The following LCORL variants were observed in gnomAD, a reference collection of about 807,000 sequenced individuals.
LCORL encodes the protein ligand-dependent nuclear receptor corepressor-like protein.
In LCORL, 41 loss-of-function variants were observed where a neutral mutation model predicts 141.8. That is an observed-to-expected ratio of 0.29 (90% CI 0.23 to 0.38). The LOEUF (loss-of-function observed/expected upper bound fraction) is 0.38. Ranked by LOEUF, LCORL falls within the 10% of genes least tolerant of loss-of-function variation. LCORL has a pLI of 1.00. For synonymous variants in LCORL, 618 were observed against 694.1 expected, an observed-to-expected ratio of 0.89 and a Z score of 1.72; for missense variants, 1,759 against 2,035.0, an observed-to-expected ratio of 0.86 and a Z score of 2.61.
intron 5 of LCORL, among the ~76,000 whole-genome samples, chr4:17,898,186 TTAAAG>T (rs779843141): frequency 1.3e-5 from 2 of 152,202 alleles, no homozygotes; most frequent in East Asian, 3.9e-4. Context: ...TAAGGGTTCC[TTAAAG>T]TATTTTTTTG....
rs557323930 is a variant in LCORL, at chr4:17,885,786, T to C, written c.776+282A>G. The stretch of plus-strand genomic sequence containing the variant: ...GCGTCCTGAGTATTTAATTTAATAT[T>C]CTCTTACTCGTCCTGCTTCTTAGTT... On this transcript the variant is annotated intron_variant, in intron 6 of 7. Transcript: ENST00000635767. Among the ~76,000 whole-genome samples, 3 of 152,070 alleles carry C rather than the reference T, an allele frequency of 2.0e-5. No individual in the cohort carries two copies. In the South Asian group the frequency reaches 6.2e-4, roughly 31 times the overall value.
chr4:17,870,152 C>G (rs576022126), intron 7 of LCORL, among the ~76,000 whole-genome samples: 4 of 152,136 alleles, frequency 2.6e-5, no homozygotes, highest in African/African-American at 9.6e-5. Flanking sequence ...TATGCTTGCT[C>G]TTTTTTAAAA....
chr4:17,999,576 C>T (rs1307878054), intron 1 of LCORL, among the ~76,000 whole-genome samples: 3 of 152,092 alleles, frequency 2.0e-5, no homozygotes, highest in Admixed American at 6.5e-5. Context: ...AATGTCTTTA[C>T]GTAGAACATG....
intron 2 of LCORL, among the ~76,000 whole-genome samples, chr4:17,963,777 G>C (rs1714329097): frequency 6.6e-6 from 1 of 151,830 alleles, no homozygotes; most frequent in Non-Finnish European, 1.5e-5. Flanking sequence ...ATCTGGCATA[G>C]ACATGATTTT....
At chr4:17,977,629 C>A (rs1227880842) in intron 1 of LCORL, among the ~76,000 whole-genome samples, 3 of 152,092 alleles carry the variant, frequency 2.0e-5, no homozygotes, top group Admixed American at 6.5e-5. Flanking sequence ...ATTATAACAG[C>A]CTTTCCTATT....
exon 8 of LCORL, chr4:17,844,090 T>C (rs1722692636): frequency 6.6e-6 from 1 of 151,974 alleles, no homozygotes; most frequent in South Asian, 2.1e-4. Context: ...AATGTATTAT[T>C]AACCATGAAG....
chr4:17,920,639 T>A (rs922782437), intron 4 of LCORL, among the ~76,000 whole-genome samples: 11 of 152,254 alleles, frequency 7.2e-5, no homozygotes, highest in African/African-American at 2.7e-4. Context: ...TCTTTCAAAA[T>A]TGGAGTTAAT....
intron 1 of LCORL, among the ~76,000 whole-genome samples, chr4:18,001,843 A>G (rs1316627433): frequency 6.6e-6 from 1 of 152,236 alleles, no homozygotes; most frequent in Non-Finnish European, 1.5e-5. Context: ...CATTAAAATA[A>G]AACAAATTTT....
chr4:17,849,638 C>A (rs531241250), intron 7 of LCORL, among the ~76,000 whole-genome samples: 1 of 152,286 alleles, frequency 6.6e-6, no homozygotes, highest in African/African-American at 2.4e-5. Context: ...CAAAGGAACG[C>A]AGCTCCTCAC....
At chr4:17,934,507 T>C (rs756162720) in intron 4 of LCORL, among the ~76,000 whole-genome samples, 1 of 152,172 alleles carries the variant, frequency 6.6e-6, no homozygotes, top group Non-Finnish European at 1.5e-5. Context: ...AAGGAATCAC[T>C]AGATGCACTG....
At chr4:17,966,454 A>T (rs755908534) in intron 2 of LCORL, among the ~76,000 whole-genome samples, 21 of 152,130 alleles carry the variant, frequency 1.4e-4, no homozygotes, top group Non-Finnish European at 3.1e-4. Context: ...AATCTCACAC[A>T]AGGTAAGATA....
At chr4:17,976,880 T>C (rs1717089147) in intron 1 of LCORL, among the ~76,000 whole-genome samples, 1 of 152,204 alleles carries the variant, frequency 6.6e-6, no homozygotes, top group Non-Finnish European at 1.5e-5. Context: ...CTGACTGCTT[T>C]TAAGATTTTC....
intron 1 of LCORL, among the ~76,000 whole-genome samples, chr4:17,983,725 T>C (rs1234939932): frequency 6.6e-6 from 1 of 152,220 alleles, no homozygotes; most frequent in African/African-American, 2.4e-5. Flanking sequence ...AAGTATAGTT[T>C]GACTTCCTCT....
chr4:17,938,431 T>C (rs1737248765), intron 4 of LCORL, among the ~76,000 whole-genome samples: 2 of 151,064 alleles, frequency 1.3e-5, no homozygotes, highest in South Asian at 4.2e-4. Context: ...TTTTTTTTTT[T>C]TTGAGATGGA....
intron 1 of LCORL, among the ~76,000 whole-genome samples, chr4:17,991,612 G>C (rs1577665191): frequency 6.6e-6 from 1 of 152,080 alleles, no homozygotes; most frequent in Admixed American, 6.5e-5. Flanking sequence ...TCATATTGCT[G>C]AATGAACAAA....
At chr4:17,903,490 T>C (rs1441998313) in intron 5 of LCORL, among the ~76,000 whole-genome samples, 1 of 152,046 alleles carries the variant, frequency 6.6e-6, no homozygotes, top group African/African-American at 2.4e-5. Flanking sequence ...AGATTAAAAC[T>C]GATATTTAAA....
intron 5 of LCORL, among the ~76,000 whole-genome samples, chr4:17,887,002 T>C (rs1415281750): frequency 6.6e-6 from 1 of 152,016 alleles, no homozygotes; most frequent in Non-Finnish European, 1.5e-5. Context: ...AAATTATTAT[T>C]GAAAAATACA....
intron 5 of LCORL, among the ~76,000 whole-genome samples, chr4:17,903,011 T>G (rs1258141470): frequency 6.6e-6 from 1 of 152,136 alleles, no homozygotes; most frequent in Non-Finnish European, 1.5e-5. Context: ...TTAAAAAGTA[T>G]ATTTCAGAAT....
chr4:17,851,044 C>T (rs1403918159), intron 7 of LCORL, among the ~76,000 whole-genome samples: 25 of 138,308 alleles, frequency 1.8e-4, no homozygotes, highest in South Asian at 4.7e-4. Context: ...AACCAAACAC[C>T]GCATATTCTC....
Sources: allele counts gnomAD v4.1 joint callset (sites outside exome capture counted in the v4.1 genomes callset), GRCh38; gene constraint gnomAD v4.1.1; transcripts MANE v1.5; gene names NCBI Gene and HGNC (gene_info 2026-07-23, HGNC 2026-07-21).